FKBP1A: variants seen among roughly 807,000 people sequenced by gnomAD.
FKBP1A encodes the protein FKBP prolyl isomerase 1A.
In FKBP1A, 5 loss-of-function variants were observed where a neutral mutation model predicts 14.2. The ratio of observed to expected loss-of-function variants is 0.35; its 90% confidence interval spans 0.18 to 0.74. FKBP1A has a LOEUF of 0.74. Ranked by LOEUF, FKBP1A falls within the 30% of genes least tolerant of loss-of-function variation. The pLI is 0.56. For synonymous variants in FKBP1A, 42 were observed against 49.1 expected (o/e 0.86, Z 0.60); for missense variants, 53 against 138.8 (o/e 0.38, Z 3.10).
At chr20:1,391,111 A>G (rs939900024) in intron 2 of FKBP1A, among the ~76,000 whole-genome samples, 1 of 152,106 alleles carries the variant, frequency 6.6e-6, no homozygotes, top group African/African-American at 2.4e-5. Context: ...GCAGCACCAG[A>G]ACATGGGCGA....
chr20:1,385,263 G>A (rs551460981), intron 2 of FKBP1A, among the ~76,000 whole-genome samples: 3 of 152,084 alleles, frequency 2.0e-5, no homozygotes, highest in Non-Finnish European at 2.9e-5. Flanking sequence ...GGTGGCGTGC[G>A]CCTGTAGTCC....
rs199853403 is a variant in FKBP1A, at chr20:1,372,287, A to T, written c.199-47T>A. The T allele has an allele frequency of 2.3e-5, 36 of 1,597,032 alleles. No individual in the cohort carries two copies. In the Admixed American group the frequency reaches 4.3e-4, roughly 19 times the overall value. The stretch of plus-strand genomic sequence containing the variant: ...CAGACTCAGCTGGACACATGCCCCA[A>T]CTGTCTCTGTAAGAAAAAGAGCTGT... On this transcript the variant is annotated intron_variant, in intron 3 of 4. Transcript: ENST00000400137.
intron 4 of FKBP1A, chr20:1,371,826 C>A: frequency 8.5e-7 from 1 of 1,178,350 alleles, no homozygotes; most frequent in South Asian, 3.2e-5. Flanking sequence ...CATAGAAAAA[C>A]ATTTAAACAG....
At chr20:1,370,145 G>A (rs1292556733) in intron 4 of FKBP1A, 73 bp from the exon 5 acceptor site, 6 of 1,522,816 alleles carry the variant, frequency 3.9e-6, no homozygotes, top group South Asian at 1.2e-5. Context: ...CAGCCACGAT[G>A]CCATCTGCCA....
At chr20:1,375,701 G>A (rs965082747) in intron 2 of FKBP1A, 98 bp from the exon 3 acceptor site, 2 of 865,324 alleles carry the variant, frequency 2.3e-6, no homozygotes, top group Non-Finnish European at 3.9e-6. Context: ...CAGTGCTGAA[G>A]AGTCTGGCAG....
At chr20:1,370,818 A>G (rs2089453870) in intron 4 of FKBP1A, 1 of 985,298 alleles carries the variant, frequency 1.0e-6, no homozygotes, top group Non-Finnish European at 1.2e-6. Context: ...AGTTATGTTC[A>G]AAAAATGACT....
At chr20:1,371,140 T>A in intron 4 of FKBP1A, 1 of 985,434 alleles carries the variant, frequency 1.0e-6, no homozygotes, top group African/African-American at 1.7e-5. Flanking sequence ...GCTGTGACCC[T>A]CTGGTTCCTA....
intron 2 of FKBP1A, among the ~76,000 whole-genome samples, chr20:1,385,246 C>T (rs879514204): frequency 7.2e-5 from 11 of 151,972 alleles, no homozygotes; most frequent in Non-Finnish European, 1.2e-4. Context: ...AAAAATCAGC[C>T]GGGCATGGTG....
intron 2 of FKBP1A, among the ~76,000 whole-genome samples, chr20:1,385,447 G>A (rs2089660020): frequency 6.6e-6 from 1 of 151,978 alleles, no homozygotes; most frequent in South Asian, 2.1e-4. Flanking sequence ...GTAGAAATAT[G>A]CATTTTCTAT....
intron 2 of FKBP1A, among the ~76,000 whole-genome samples, chr20:1,383,494 G>A (rs1350811023): frequency 6.6e-6 from 1 of 151,940 alleles, no homozygotes; most frequent in Non-Finnish European, 1.5e-5. Flanking sequence ...CAACACGCAG[G>A]TGAGTTTCTT....
intron 2 of FKBP1A, among the ~76,000 whole-genome samples, chr20:1,392,596 G>A (rs1035184990): frequency 6.6e-6 from 1 of 152,150 alleles, no homozygotes; most frequent in African/African-American, 2.4e-5. Flanking sequence ...TGCTTCTGAC[G>A]GGTCAGATAA....
chr20:1,382,132 G>A (rs1318882094), intron 2 of FKBP1A, among the ~76,000 whole-genome samples: 1 of 152,176 alleles, frequency 6.6e-6, no homozygotes, highest in East Asian at 1.9e-4. Context: ...CCTCTCTTTG[G>A]GGAGGGAACA....
In FKBP1A at chr20:1,379,485, C is replaced by T. The variant is rs962159651; in HGVS notation, c.86-3882G>A. On this transcript the variant is annotated intron_variant, in intron 2 of 4. Transcript: ENST00000400137. The surrounding 1 kb of genome is among the most constrained non-coding windows in gnomAD (Gnocchi z 4.3). ...TGAGGGGCAAACCTCTCCCTAGTAT[C>T]TTAAAACCATAAAAGCCAGGAAGCA... Among the ~76,000 whole-genome samples the T allele has an allele frequency of 1.3e-5, 2 of 152,150 alleles. No individual in the cohort carries two copies. Among genetic ancestry groups the T allele is most frequent in the Non-Finnish European group, 2.9e-5 (2 of 68,036 alleles).
intron 2 of FKBP1A, chr20:1,377,387 G>A (rs1404646358): frequency 6.6e-6 from 1 of 152,296 alleles, no homozygotes; most frequent in Non-Finnish European, 1.5e-5. Context: ...CTGGAGCTGG[G>A]AGCTGAGGAC....
In FKBP1A at chr20:1,379,609, G is replaced by A. The variant is rs991146612; in HGVS notation, c.86-4006C>T. Among the ~76,000 whole-genome samples, 2 of 152,214 alleles carry A rather than the reference G, an allele frequency of 1.3e-5. No homozygotes were observed. Among genetic ancestry groups the A allele is most frequent in the Non-Finnish European group, 2.9e-5 (2 of 68,030 alleles). ...TCTGTTGTCCCTGGGAAAGGGGCATGAGACTTGCTCCAGAATTTCAGACCA... is the reference window on the plus strand; with the variant it reads ...TCTGTTGTCCCTGGGAAAGGGGCATAAGACTTGCTCCAGAATTTCAGACCA... On this transcript the variant is annotated intron_variant, in intron 2 of 4. Transcript: ENST00000400137. This position sits in a 1 kb window ranked among gnomAD's most constrained non-coding sequence, Gnocchi z 4.3.
intron 2 of FKBP1A, among the ~76,000 whole-genome samples, chr20:1,390,365 A>AG (rs1228846957): frequency 0.066 from 375 of 5,648 alleles, 2 homozygotes; most frequent in African/African-American, 0.18. Flanking sequence ...GGGAGGGGGG[A>AG]GGGGGGACGG....
chr20:1,377,324 A>G (rs1467912271), intron 2 of FKBP1A: 1 of 152,188 alleles, frequency 6.6e-6, no homozygotes, highest in Non-Finnish European at 1.5e-5. Flanking sequence ...TTAATAGAGC[A>G]GGAGTAGAGA....
At chr20:1,380,939 C>T (rs1240486642) in intron 2 of FKBP1A, among the ~76,000 whole-genome samples, 35 of 152,180 alleles carry the variant, frequency 2.3e-4, no homozygotes, top group Non-Finnish European at 1.5e-5. Flanking sequence ...GTAAAAACTT[C>T]ACACCATTAT....
At chr20:1,370,671 A>G in intron 4 of FKBP1A, 1 of 985,426 alleles carries the variant, frequency 1.0e-6, no homozygotes, top group Non-Finnish European at 1.2e-6. Context: ...AAGCTGAGAC[A>G]TTCTTTGGCA....
Sources: allele counts gnomAD v4.1 joint callset (sites outside exome capture counted in the v4.1 genomes callset), GRCh38; gene constraint gnomAD v4.1.1; non-coding constraint Gnocchi (gnomAD v3.1); transcripts MANE v1.5; gene names NCBI Gene and HGNC (gene_info 2026-07-23, HGNC 2026-07-21).